The following XKR4 variants were observed in gnomAD, a reference collection of about 807,000 sequenced individuals.
XKR4 encodes the protein XK related 4.
A neutral mutation model predicts 53.9 loss-of-function variants in XKR4; 12 were observed. The ratio of observed to expected loss-of-function variants is 0.22; its 90% confidence interval spans 0.14 to 0.36. The LOEUF (loss-of-function observed/expected upper bound fraction) is 0.36. Among genes scored for constraint, XKR4 ranks in the 10% least tolerant of loss-of-function variants. XKR4 has a pLI of 1.00. For missense variants in XKR4, 799 were observed against 859.5 expected (o/e 0.93, Z 0.88); for synonymous variants, 354 against 362.4 (o/e 0.98, Z 0.26).
chr8:55,298,538 G>A (rs987910971), intron 1 of XKR4, among the ~76,000 whole-genome samples: 1 of 152,028 alleles, frequency 6.6e-6, no homozygotes, highest in Non-Finnish European at 1.5e-5. Flanking sequence ...GAGAGGAGGG[G>A]GAGGTCCTAG....
At chr8:55,361,750 C>G (rs1186943192) in intron 2 of XKR4, among the ~76,000 whole-genome samples, 1 of 152,120 alleles carries the variant, frequency 6.6e-6, no homozygotes, top group South Asian at 2.1e-4. Context: ...AGTCACTGCT[C>G]TGCAACCACG....
At chr8:55,246,770 A>G (rs774541092) in intron 1 of XKR4, among the ~76,000 whole-genome samples, 6 of 151,758 alleles carry the variant, frequency 4.0e-5, no homozygotes, top group East Asian at 3.9e-4. Context: ...AGCTTCATCA[A>G]TGACTCAGAG....
chr8:55,178,547 A>G (rs982878349), intron 1 of XKR4, among the ~76,000 whole-genome samples: 7 of 152,190 alleles, frequency 4.6e-5, no homozygotes, highest in Middle Eastern at 3.2e-3. Flanking sequence ...GGCTTCTTCT[A>G]TCATTCTATC....
chr8:55,532,836 T>C lies in XKR4; in HGVS notation c.*8609T>C, dbSNP rs1806973990. 6.9e-6 allele frequency: 1 copy of C among 144,750 alleles called. No homozygotes were observed. The allele number at this position is 144,750 out of a possible 1,614,324, so 9.0% of individuals were successfully genotyped here. On this transcript the variant is annotated 3_prime_UTR_variant, in exon 3 of 3. Coordinates refer to ENST00000327381, the MANE Select transcript of XKR4 (RefSeq NM_052898.2). ...AAAAAAAAAAGAATTTCAGAAAATA[T>C]AAAGTTTTATGTTTTTATTATATTT...
At chr8:55,472,281 G>A (rs915596565) in intron 2 of XKR4, among the ~76,000 whole-genome samples, 1 of 152,108 alleles carries the variant, frequency 6.6e-6, no homozygotes, top group Non-Finnish European at 1.5e-5. Context: ...CTGTGTGTCT[G>A]TAAAGGATGA....
At chr8:55,312,937 T>C (rs947674068) in intron 1 of XKR4, among the ~76,000 whole-genome samples, 2 of 152,234 alleles carry the variant, frequency 1.3e-5, no homozygotes, top group African/African-American at 4.8e-5. Flanking sequence ...AGGATAGTTC[T>C]GAACTAGATT....
chr8:55,225,782 T>C (rs1405141795), intron 1 of XKR4, among the ~76,000 whole-genome samples: 1 of 152,206 alleles, frequency 6.6e-6, no homozygotes, highest in African/African-American at 2.4e-5. Flanking sequence ...CCTAGAGAAT[T>C]TTAGAGACAG....
chr8:55,519,636 G>C (rs1806770295), intron 2 of XKR4, among the ~76,000 whole-genome samples: 1 of 152,052 alleles, frequency 6.6e-6, no homozygotes, highest in African/African-American at 2.4e-5. Context: ...TCCTGTATAG[G>C]GGAGAAAAAT....
intron 1 of XKR4, among the ~76,000 whole-genome samples, chr8:55,353,057 A>T (rs1258212804): frequency 6.6e-6 from 1 of 152,194 alleles, no homozygotes; most frequent in Non-Finnish European, 1.5e-5. Context: ...AGATGGGGAC[A>T]TGGGTTTGAA....
At chr8:55,512,848 T>A (rs1396117616) in intron 2 of XKR4, among the ~76,000 whole-genome samples, 1 of 152,068 alleles carries the variant, frequency 6.6e-6, no homozygotes, top group African/African-American at 2.4e-5. Flanking sequence ...CCACCACAGG[T>A]GTTCTTTCTG....
chr8:55,420,551 C>A (rs919005048), intron 2 of XKR4, among the ~76,000 whole-genome samples: 1 of 145,932 alleles, frequency 6.9e-6, no homozygotes, highest in South Asian at 2.1e-4. Flanking sequence ...AACCAAACAC[C>A]GCATATTCTC....
intron 1 of XKR4, among the ~76,000 whole-genome samples, chr8:55,115,756 T>G (rs1455947498): frequency 6.6e-6 from 1 of 151,978 alleles, no homozygotes; most frequent in Non-Finnish European, 1.5e-5. Context: ...TACTCCAGCC[T>G]GGTGACAGAG....
chr8:55,498,392 G>A (rs1441334149), intron 2 of XKR4, among the ~76,000 whole-genome samples: 8 of 152,180 alleles, frequency 5.3e-5, no homozygotes, highest in African/African-American at 9.7e-5. Flanking sequence ...TGCTTGGCCC[G>A]TGCAGCAGGC....
At chr8:55,435,546 C>A (rs928410718) in intron 2 of XKR4, among the ~76,000 whole-genome samples, 1 of 151,080 alleles carries the variant, frequency 6.6e-6, no homozygotes, top group Non-Finnish European at 1.5e-5. Context: ...ACCTAATAGG[C>A]AACCTCTTTT....
intron 2 of XKR4, chr8:55,452,611 G>A: frequency 8.9e-7 from 1 of 1,126,586 alleles, no homozygotes; most frequent in East Asian, 2.4e-5. Flanking sequence ...ATGTTTATCT[G>A]GACGATGTCT....
intron 1 of XKR4, among the ~76,000 whole-genome samples, chr8:55,354,772 G>C (rs1803774522): frequency 6.6e-6 from 1 of 150,936 alleles, no homozygotes; most frequent in Admixed American, 6.6e-5. Flanking sequence ...TAAATGAGCT[G>C]AAAGAAAATT....
At chr8:55,320,923 C>A (rs1479559281) in intron 1 of XKR4, among the ~76,000 whole-genome samples, 1 of 152,046 alleles carries the variant, frequency 6.6e-6, no homozygotes, top group Non-Finnish European at 1.5e-5. Flanking sequence ...ATGAAAGGAC[C>A]ATTAATCTGT....
At chr8:55,402,697 T>G (rs1183382265) in intron 2 of XKR4, among the ~76,000 whole-genome samples, 1 of 152,208 alleles carries the variant, frequency 6.6e-6, no homozygotes, top group African/African-American at 2.4e-5. Context: ...CTGTGGGCAC[T>G]TCCTTCCTTT....
rs369983175 is a variant in XKR4 at position 55,247,855 on chromosome 8, C to CTTTCTTTCTTTCTTTCTTT, written c.807-109820_807-109819insCTTTCTTTCTTTCTTTTTT. On this transcript the variant is annotated intron_variant, in intron 1 of 2. Transcript: ENST00000327381. Reference sequence around the variant, plus strand: ...TTTCTTTTTCTTTCTTTCTTTCTTTCTTTTTTTTTTTTTTTTTTTGAGACA... The same window carrying CTTTCTTTCTTTCTTTCTTT: ...TTTCTTTTTCTTTCTTTCTTTCTTTCTTTCTTTCTTTCTTTCTTTTTTTTTTTTTTTTTTTTTTGAGACA... Among the ~76,000 whole-genome samples the CTTTCTTTCTTTCTTTCTTT allele has an allele frequency of 7.3e-4, 44 of 59,892 alleles. 2 individuals are homozygous for CTTTCTTTCTTTCTTTCTTT. Among genetic ancestry groups the CTTTCTTTCTTTCTTTCTTT allele is most frequent in the African/African-American group, 1.6e-3 (37 of 22,442 alleles). The allele number at this position is 59,892 out of a possible 152,430, so 39.3% of individuals were successfully genotyped here. A position where few individuals can be genotyped will look rare whatever the true frequency, so the allele number is the denominator to read the frequency against.
Sources: gnomAD v4.1 joint callset for allele counts (sites outside exome capture counted in the v4.1 genomes callset) on GRCh38, gnomAD v4.1.1 for gene constraint, MANE v1.5 for transcripts, NCBI Gene and HGNC (gene_info 2026-07-23, HGNC 2026-07-21) for gene names.